SIDT1: variants seen among roughly 807,000 people sequenced by gnomAD.
The protein encoded by SIDT1 is SID1 transmembrane family, member 1.
In SIDT1, 101 loss-of-function variants were observed where a neutral mutation model predicts 107.5. The ratio of observed to expected loss-of-function variants is 0.94; its 90% confidence interval spans 0.80 to 1.11. SIDT1 has a LOEUF of 1.11. Among genes scored for constraint, SIDT1 ranks in the 50% least tolerant of loss-of-function variants. The probability of loss-of-function intolerance (pLI) is 0.00; values close to 1 mark genes in which losing one functional copy is unlikely to be tolerated. For synonymous variants in SIDT1, 395 were observed against 398.2 expected (o/e 0.99, Z 0.10); for missense variants, 1,076 against 1,058.2 (o/e 1.02, Z -0.23).
intron 1 of SIDT1, among the ~76,000 whole-genome samples, chr3:113,559,090 T>C (rs1941174248): frequency 6.6e-6 from 1 of 152,258 alleles, no homozygotes; most frequent in Non-Finnish European, 1.5e-5. Context: ...TATTATTTAA[T>C]TTGGTTGTCA....
chr3:113,616,473 C>A (rs1022361366), intron 20 of SIDT1, among the ~76,000 whole-genome samples: 1 of 152,082 alleles, frequency 6.6e-6, no homozygotes, highest in African/African-American at 2.4e-5. Context: ...GGGAATAACA[C>A]ACACTGGGGC....
chr3:113,567,783 T>G lies in SIDT1; in HGVS notation c.515+73T>G, dbSNP rs181359520. Reference sequence around the variant, plus strand: ...GGATGCTCAATTCATCTTCCATCCTTACAGACTGGTACTCTGGAAGGAAAT... The same window carrying G: ...GGATGCTCAATTCATCTTCCATCCTGACAGACTGGTACTCTGGAAGGAAAT... On this transcript the variant is annotated intron_variant, in intron 3 of 24. Transcript: ENST00000264852. The G allele has an allele frequency of 1.2e-4, 164 of 1,413,394 alleles. No homozygotes were observed. The African/African-American group carries it at 2.2e-3, about 19-fold the overall frequency. The allele number at this position is 1,413,394 out of a possible 1,614,324, so 87.6% of individuals were successfully genotyped here. A position where few individuals can be genotyped will look rare whatever the true frequency, so the allele number is the denominator to read the frequency against.
intron 14 of SIDT1, 146 bp downstream of exon 14, chr3:113,605,122 C>CAATTTTT: frequency 3.3e-6 from 1 of 306,990 alleles, no homozygotes; most frequent in Non-Finnish European, 5.4e-6. Flanking sequence ...CTATTGCTTC[C>CAATTTTT]TCTTTTTTTT....
intron 1 of SIDT1, among the ~76,000 whole-genome samples, chr3:113,537,840 T>C (rs145204631): frequency 6.8e-4 from 103 of 152,368 alleles, no homozygotes; most frequent in Middle Eastern, 3.4e-3. Flanking sequence ...TGGAGTGCAG[T>C]GGCACGATCT....
chr3:113,533,721 G>T (rs1937753539), intron 1 of SIDT1, among the ~76,000 whole-genome samples: 1 of 152,202 alleles, frequency 6.6e-6, no homozygotes, highest in Non-Finnish European at 1.5e-5. Context: ...GAAATTGTGT[G>T]AAAATGGACG....
chr3:113,611,249 G>A, intron 18 of SIDT1, 105 bp downstream of exon 18: 1 of 1,325,218 alleles, frequency 7.5e-7, no homozygotes, highest in Admixed American at 2.2e-5. Flanking sequence ...AAAATCCTCA[G>A]TTCATGACAC....
chr3:113,550,635 G>A lies in SIDT1; in HGVS notation c.223-15785G>A, dbSNP rs113644508. 7.4e-3 allele frequency among the ~76,000 whole-genome samples: 1,122 copies of A among 152,076 alleles called. 17 individuals are homozygous for A. The highest frequency in any genetic ancestry group is 0.025 in the African/African-American group (1,057 of 41,506). On this transcript the variant is annotated intron_variant, in intron 1 of 24. Coordinates refer to ENST00000264852, the MANE Select transcript of SIDT1 (RefSeq NM_017699.3). Reference sequence around the variant, plus strand: ...TTTTTTCTGGGTTTTTTTGTCCATCGCTAAAAGAAACATGTAAAAATCCTT... The same window carrying A: ...TTTTTTCTGGGTTTTTTTGTCCATCACTAAAAGAAACATGTAAAAATCCTT...
the SIDT1 span, among the ~76,000 whole-genome samples, chr3:113,635,641 C>T: frequency 3.3e-5 from 5 of 152,028 alleles, no homozygotes; most frequent in Non-Finnish European, 5.9e-5. Context: ...CTGAGGCAAG[C>T]GGATCACAAG....
chr3:113,612,268 TGCTGAATGAAAGTGTCACTG>T, intron 19 of SIDT1, 74 bp downstream of exon 19: 1 of 1,071,660 alleles, frequency 9.3e-7, no homozygotes, highest in Non-Finnish European at 1.4e-6. Flanking sequence ...CCTTTACTTA[TGCTGAATGAAAGTGTCACTG>T]GTCACCGTGA....
At chr3:113,635,024 A>T in the SIDT1 span, among the ~76,000 whole-genome samples, 55 of 152,334 alleles carry the variant, frequency 3.6e-4, no homozygotes, top group Non-Finnish European at 7.3e-4. Flanking sequence ...TAAGAACCAA[A>T]GTCCTTTTTA....
At chr3:113,533,332 T>C (rs1050995121) in intron 1 of SIDT1, 89 bp downstream of exon 1, 18 of 1,044,838 alleles carry the variant, frequency 1.7e-5, no homozygotes, top group Admixed American at 4.1e-5. Flanking sequence ...GGAATTGACC[T>C]TGGGAGACTT....
In SIDT1 at chr3:113,604,036, A is replaced by G; in HGVS notation, c.1337+3A>G. 6.4e-7 allele frequency: 1 copy of G among 1,569,860 alleles called. No individual in the cohort carries two copies. The highest frequency in any genetic ancestry group is 1.4e-5 in the African/African-American group (1 of 73,650). On this transcript the variant is annotated splice_donor_region_variant and intron_variant, in intron 13 of 24. Coordinates refer to ENST00000264852, the MANE Select transcript of SIDT1 (RefSeq NM_017699.3). ...AAAAAATATAAAATTTATTTTTGGT[A>G]AGTAGATGACCAGTAGGACCATGGT...
rs765851619 is a variant in SIDT1 at position 113,616,180 on chromosome 3, T to C, written c.2043+4T>C. ...GTGTAGCCGACCTCTATATATGGTA[T>C]GTGCATGTTCCTGTGTTCTTTGGCC... On this transcript the variant is annotated splice_donor_region_variant and intron_variant, in intron 20 of 24. Coordinates refer to ENST00000264852, the MANE Select transcript of SIDT1 (RefSeq NM_017699.3). 2 of 1,606,506 alleles carry C rather than the reference T, an allele frequency of 1.2e-6. No homozygotes were observed. The highest frequency in any genetic ancestry group is 2.2e-5 in the South Asian group (2 of 90,904).
At chr3:113,595,873 G>A (rs1488615699) in intron 10 of SIDT1, among the ~76,000 whole-genome samples, 2 of 152,182 alleles carry the variant, frequency 1.3e-5, no homozygotes, top group Non-Finnish European at 2.9e-5. Context: ...CAGAAGACAA[G>A]CACTGCCCAA....
At chr3:113,542,802 C>G (rs1283364253) in intron 1 of SIDT1, among the ~76,000 whole-genome samples, 2 of 151,956 alleles carry the variant, frequency 1.3e-5, no homozygotes, top group Non-Finnish European at 2.9e-5. Context: ...TTCCTTTTGC[C>G]CCTATATTCT....
intron 17 of SIDT1, 26 bp downstream of exon 17, chr3:113,608,562 C>A: frequency 1.3e-6 from 2 of 1,482,230 alleles, no homozygotes; most frequent in Non-Finnish European, 1.9e-6. Context: ...ATCTACTATA[C>A]AGATTTGAAT....
rs749262000 is a variant in SIDT1 at position 113,623,551 on chromosome 3, A to G, written c.2196+19A>G. Reference sequence around the variant, plus strand: ...CATGAAGGTAAGAGCGGGTGCCGGGAGCGGCTACCTCGGGCCCTCGGGCAG... The same window carrying G: ...CATGAAGGTAAGAGCGGGTGCCGGGGGCGGCTACCTCGGGCCCTCGGGCAG... On this transcript the variant is annotated intron_variant, in intron 22 of 24. Coordinates refer to ENST00000264852, the MANE Select transcript of SIDT1 (RefSeq NM_017699.3). 3 of 1,606,412 alleles carry G rather than the reference A, an allele frequency of 1.9e-6. No individual in the cohort carries two copies. Among genetic ancestry groups the G allele is most frequent in the Non-Finnish European group, 2.6e-6 (3 of 1,173,112 alleles).
chr3:113,533,305 T>C, intron 1 of SIDT1, 62 bp downstream of exon 1: 1 of 1,251,470 alleles, frequency 8.0e-7, no homozygotes, highest in South Asian at 2.1e-5. Flanking sequence ...GCCCCGTCGC[T>C]GCTTTGGAGT....
At chr3:113,535,872 C>T (rs1938095478) in intron 1 of SIDT1, among the ~76,000 whole-genome samples, 1 of 152,122 alleles carries the variant, frequency 6.6e-6, no homozygotes, top group African/African-American at 2.4e-5. Flanking sequence ...CCAGAGAAGA[C>T]ATTTTCTTGA....
Sources: gnomAD v4.1 joint callset for allele counts (sites outside exome capture counted in the v4.1 genomes callset) on GRCh38, gnomAD v4.1.1 for gene constraint, MANE v1.5 for transcripts, NCBI Gene and HGNC (gene_info 2026-07-23, HGNC 2026-07-21) for gene names.